Variants in ATRIP observed in about 807,000 individuals in gnomAD.
The protein encoded by ATRIP is ATR interacting protein.
Under a neutral mutation model 78.1 loss-of-function variants are expected in ATRIP, and 44 were observed. That is an observed-to-expected ratio of 0.56 (90% confidence interval 0.44 to 0.72). ATRIP has a LOEUF of 0.72. Among genes scored for constraint, ATRIP ranks in the 30% least tolerant of loss-of-function variants. ATRIP has a pLI of 0.00. For missense variants in ATRIP, 927 were observed against 980.2 expected, an observed-to-expected ratio of 0.95 and a Z score of 0.72; for synonymous variants, 388 against 408.9, an observed-to-expected ratio of 0.95 and a Z score of 0.62.
Position 48,450,055 on chromosome 3 carries a change from G to C in ATRIP, c.266G>C (p.Arg89Thr). 1 of 1,613,390 alleles carries C rather than the reference G, an allele frequency of 6.2e-7. No individual in the cohort carries two copies. Among genetic ancestry groups the C allele is most frequent in the Non-Finnish European group, 8.5e-7 (1 of 1,179,822 alleles). Residue 89 changes from arginine to threonine, a missense_variant, in exon 2 of 13, where the codon AGA (arginine) becomes ACA (threonine). Physicochemically the swap from Arg to Thr is moderately conservative, Grantham distance 71 (BLOSUM62 -1). Transcript: ENST00000320211. ...TTTACAGGTGATCATAAGGTCCACA[G>C]ATTATTAGATGGCATGTCAAAAAAT... is the stretch of plus-strand genomic sequence containing the variant. Reference protein sequence around the residue: ...RDVSSDHKVHRLLDGMSKNPS... With the variant: ...RDVSSDHKVHTLLDGMSKNPS...
Position 48,467,450 on chromosome 3 carries a change from A to C in ATRIP, c.*1896A>C, listed in dbSNP as rs1466606127. On this transcript the variant is annotated 3_prime_UTR_variant, in exon 13 of 13. Coordinates refer to ENST00000320211, the MANE Select transcript of ATRIP (RefSeq NM_130384.3). The stretch of plus-strand genomic sequence containing the variant: ...CCAGGAACACTAGTCCCAGCCTTGG[A>C]GAGAGCAGGGGTACCAAGGATCTTC... 6.8e-6 allele frequency: 11 copies of C among 1,614,168 alleles called. No homozygotes were observed. Among genetic ancestry groups the C allele is most frequent in the Non-Finnish European group, 9.3e-6 (11 of 1,180,020 alleles).
In ATRIP at chr3:48,464,671, G is replaced by A. The variant is rs371131766; in HGVS notation, c.2055+9G>A. ...GCCAGTGTAATGTGGAGGTGAGTGGGTAGGGGCCAACAGCTGGCAGCTCTG... is the reference window on the plus strand; with the variant it reads ...GCCAGTGTAATGTGGAGGTGAGTGGATAGGGGCCAACAGCTGGCAGCTCTG... On this transcript the variant is annotated intron_variant, in intron 11 of 12. Transcript: ENST00000320211. The A allele has an allele frequency of 1.2e-6, 2 of 1,614,136 alleles. No homozygotes were observed. Among genetic ancestry groups the A allele is most frequent in the Non-Finnish European group, 8.5e-7 (1 of 1,180,006 alleles).
intron 8 of ATRIP, 93 bp downstream of exon 8, chr3:48,460,892 A>G: frequency 8.3e-7 from 1 of 1,197,676 alleles, no homozygotes; most frequent in Non-Finnish European, 1.2e-6. Context: ...TCACATCTTG[A>G]CTTATCTACA....
chr3:48,466,739 G>A lies in ATRIP; in HGVS notation c.*1185G>A, dbSNP rs867996558. On this transcript the variant is annotated 3_prime_UTR_variant, in exon 13 of 13. Transcript: ENST00000320211. ...AGGCCACTGGCTTGCCCTTCTCCCA[G>A]CCCAAGGTCACGGAGCTGTGCCTGC... 1 of 1,613,960 alleles carries A rather than the reference G, an allele frequency of 6.2e-7. No homozygotes were observed. Among genetic ancestry groups the A allele is most frequent in the African/African-American group, 1.3e-5 (1 of 75,030 alleles).
In ATRIP at chr3:48,466,679, G is replaced by A. The variant is rs147463121; in HGVS notation, c.*1125G>A. On this transcript the variant is annotated 3_prime_UTR_variant, in exon 13 of 13. Coordinates refer to ENST00000320211, the MANE Select transcript of ATRIP (RefSeq NM_130384.3). ...CCATGGGCTCGCAGGCCCTGCCCCCGGGGCCCATGCAGACCCTCATCTTTT... is the reference window on the plus strand; with the variant it reads ...CCATGGGCTCGCAGGCCCTGCCCCCAGGGCCCATGCAGACCCTCATCTTTT... 32 of 1,613,506 alleles carry A rather than the reference G, an allele frequency of 2.0e-5. No homozygotes were observed. The highest frequency in any genetic ancestry group is 1.2e-4 in the Admixed American group (7 of 59,952).
At chr3:48,457,534 G>A in intron 5 of ATRIP, 118 bp downstream of exon 5, 1 of 816,160 alleles carries the variant, frequency 1.2e-6, no homozygotes, top group Non-Finnish European at 1.8e-6. Flanking sequence ...GGCACAGAGG[G>A]GACAATCTCT....
intron 8 of ATRIP, among the ~76,000 whole-genome samples, chr3:48,462,509 C>T (rs1181759120): frequency 6.6e-6 from 1 of 152,158 alleles, no homozygotes; most frequent in Admixed American, 6.6e-5. Flanking sequence ...CGAGACCATC[C>T]TGGCTAACAT....
intron 2 of ATRIP, chr3:48,450,546 C>G (rs959071855): frequency 1.6e-6 from 2 of 1,288,458 alleles, no homozygotes; most frequent in Admixed American, 4.6e-5. Context: ...CTAAGAAAAC[C>G]AGGAATATGT....
In ATRIP at chr3:48,466,135, G is replaced by A. The variant is rs754929894; in HGVS notation, c.*581G>A. 56 of 433,084 alleles carry A rather than the reference G, an allele frequency of 1.3e-4. No homozygotes were observed. In the Middle Eastern group the frequency reaches 2.7e-3, roughly 21 times the overall value. 26.8% of individuals were successfully genotyped at this position (433,084 alleles called of 1,614,324 possible). ...GGGAGCAGGGGAGTGGGTGTGGGGG[G>A]GAACGGATGGTGGTGAGAGGGACAG... is the stretch of plus-strand genomic sequence containing the variant. On this transcript the variant is annotated 3_prime_UTR_variant, in exon 13 of 13. Coordinates refer to ENST00000320211, the MANE Select transcript of ATRIP (RefSeq NM_130384.3).
At chr3:48,453,590 G>T (rs1196854897) in intron 3 of ATRIP, among the ~76,000 whole-genome samples, 1 of 152,214 alleles carries the variant, frequency 6.6e-6, no homozygotes. Context: ...GGCGCAGAGT[G>T]TGCTTGGGGA....
At chr3:48,453,933 A>C (rs1322580965) in intron 3 of ATRIP, among the ~76,000 whole-genome samples, 1 of 151,824 alleles carries the variant, frequency 6.6e-6, no homozygotes, top group Non-Finnish European at 1.5e-5. Flanking sequence ...TTATTTTTTA[A>C]ATTTTTTGTA....
intron 4 of ATRIP, among the ~76,000 whole-genome samples, 165 bp downstream of exon 4, chr3:48,454,583 G>A (rs1232470483): frequency 1.3e-5 from 2 of 152,112 alleles, no homozygotes; most frequent in Non-Finnish European, 1.5e-5. Flanking sequence ...AGCTTGCATG[G>A]TTTGAGACAT....
intron 1 of ATRIP, among the ~76,000 whole-genome samples, chr3:48,448,009 G>A (rs2039726170): frequency 6.6e-6 from 1 of 152,116 alleles, no homozygotes; most frequent in Non-Finnish European, 1.5e-5. Flanking sequence ...CCTGATCTGT[G>A]TTACCATGAG....
At chr3:48,459,283 C>A in intron 5 of ATRIP, 76 bp from the exon 6 acceptor site, 2 of 1,239,842 alleles carry the variant, frequency 1.6e-6, no homozygotes, top group Non-Finnish European at 1.2e-6. Flanking sequence ...GTGTTTTAAA[C>A]TCATTGCATG....
chr3:48,467,412 C>G lies in ATRIP; in HGVS notation c.*1858C>G, dbSNP rs1236695721. On this transcript the variant is annotated 3_prime_UTR_variant, in exon 13 of 13. Transcript: ENST00000320211. ...ACCATCTGCTGTCACAACCACTGCA[C>G]ACCTGGCCACAACCAGGAACACTAG... is the stretch of plus-strand genomic sequence containing the variant. The G allele has an allele frequency of 6.2e-7, 1 of 1,614,224 alleles. No homozygotes were observed. The highest frequency in any genetic ancestry group is 8.5e-7 in the Non-Finnish European group (1 of 1,180,040).
Position 48,446,953 on chromosome 3 carries a change from C to T in ATRIP, c.108C>T (p.Gly36=). The stretch of plus-strand genomic sequence containing the variant: ...ACCCCCCGAGCAAGCGGGCCCGGGG[C>T]TTCTCCGCAGCCGCTGCCCCGGACC... The part of the protein sequence containing the change: ...TGHPPSKRAR[G]FSAAAAPDPD... The change falls in exon 1 of 13, where the codon GGC becomes GGT. Residue 36 remains glycine (G), a synonymous_variant. Transcript: ENST00000320211. 1.3e-6 allele frequency: 2 copies of T among 1,533,970 alleles called. No individual in the cohort carries two copies.
rs1307779454 is a variant in ATRIP, at chr3:48,464,649, A to T, written c.2042A>T (p.Gln681Leu). 1 of 1,614,072 alleles carries T rather than the reference A, an allele frequency of 6.2e-7. No homozygotes were observed. Among genetic ancestry groups the T allele is most frequent in the Non-Finnish European group, 8.5e-7 (1 of 1,180,032 alleles). The change falls in exon 11 of 13, where the codon CAG becomes CTG. Residue 681 changes from glutamine to leucine, a missense_variant. Transcript: ENST00000320211. ...CCCCCAGTCACTGGCTCCAACTGCC[A>T]GTGTAATGTGGAGGTGAGTGGGTAG... ...PLPPVTGSNC[Q>L]CNVEVVRALT...
Position 48,465,035 on chromosome 3 carries a change from G to C in ATRIP, c.2260G>C (p.Gly754Arg), listed in dbSNP as rs780002421. ...VLHQFDQVMP[G>R]VSMLIRGLPD... ...GCATCAGTTTGACCAGGTGATGCCG[G>C]GGGTCAGCATGCTCATCCGAGGGCT... The change falls in exon 12 of 13, where the codon GGG becomes CGG. Residue 754 changes from glycine to arginine, a missense_variant. Physicochemically the swap from Gly to Arg is moderately radical, Grantham distance 125. Transcript: ENST00000320211. 2 of 1,613,586 alleles carry C rather than the reference G, an allele frequency of 1.2e-6. No homozygotes were observed. Among genetic ancestry groups the C allele is most frequent in the African/African-American group, 2.7e-5 (2 of 74,930 alleles).
Position 48,460,501 on chromosome 3 carries a change from C to A in ATRIP, c.1447C>A (p.Gln483Lys). Residue 483 changes from glutamine (Q) to lysine (K), a missense_variant, in exon 8 of 13, where the codon CAG becomes AAG. Gln to Lys is a moderately conservative substitution (Grantham distance 53). Transcript: ENST00000320211. ...CTCTGTGACTGCACTTAGCATTCTTCAGCACCTGGTGTGCCACAGCGGAGC... is the reference window on the plus strand; with the variant it reads ...CTCTGTGACTGCACTTAGCATTCTTAAGCACCTGGTGTGCCACAGCGGAGC... ...GFSVTALSIL[Q>K]HLVCHSGAVV... 1 of 1,612,486 alleles carries A rather than the reference C, an allele frequency of 6.2e-7. No individual in the cohort carries two copies. The highest frequency in any genetic ancestry group is 8.5e-7 in the Non-Finnish European group (1 of 1,179,088).
Sources: allele counts gnomAD v4.1 joint callset (sites outside exome capture counted in the v4.1 genomes callset), GRCh38; gene constraint gnomAD v4.1.1; transcripts MANE v1.5; gene names NCBI Gene and HGNC (gene_info 2026-07-23, HGNC 2026-07-21).